The following CDH20 variants were observed in gnomAD, a reference collection of about 807,000 sequenced individuals.
CDH20 encodes the protein cadherin-20.
Under a neutral mutation model 74.2 loss-of-function variants are expected in CDH20, and 29 were observed. The ratio of observed to expected loss-of-function variants is 0.39; its 90% CI spans 0.29 to 0.53. The LOEUF (loss-of-function observed/expected upper bound fraction) is 0.53. Ranked by LOEUF, CDH20 falls within the 20% of genes least tolerant of loss-of-function variation. The pLI is 0.69. For synonymous variants in CDH20, 469 were observed against 405.4 expected (o/e 1.16, Z -1.88); for missense variants, 988 against 1,048.3 (o/e 0.94, Z 0.79).
intron 1 of CDH20, among the ~76,000 whole-genome samples, chr18:61,432,051 C>A (rs1913272724): frequency 6.6e-6 from 1 of 151,884 alleles, no homozygotes; most frequent in South Asian, 2.1e-4. Flanking sequence ...TTGAGACCAG[C>A]CTGGCCAACA....
rs1366550666 is a variant in CDH20 at position 61,555,437 on chromosome 18, C to T, written c.*742C>T. 3.0e-6 allele frequency: 3 copies of T among 985,310 alleles called. No homozygotes were observed. The highest frequency in any genetic ancestry group is 6.1e-5 in the Admixed American group (1 of 16,264). The allele number at this position is 985,310 out of a possible 1,614,324, so 61.0% of individuals were successfully genotyped here. On this transcript the variant is annotated 3_prime_UTR_variant, in exon 12 of 12. Transcript: ENST00000262717. ...TTAACTGTGCCCCTGCAAAATTGTTCAGAATGAAACCAGAAAAATCTGCCT... is the reference window on the plus strand; with the variant it reads ...TTAACTGTGCCCCTGCAAAATTGTTTAGAATGAAACCAGAAAAATCTGCCT...
rs1490413105 is a variant in CDH20 at position 61,528,029 on chromosome 18, A to C, written c.1080A>C (p.Leu360=). ...AGGTGGAGGGAGCCAATCCTCACCT[A>C]GAGATGCGTTTTCTGAACTTGGGCC... is the stretch of plus-strand genomic sequence containing the variant. ...TLKVEGANPH[L]EMRFLNLGPF... is the part of the protein sequence containing the mutation. Residue 360 remains leucine, a synonymous_variant, in exon 7 of 12, where the codon CTA becomes CTC. Transcript: ENST00000262717. 3 of 1,614,086 alleles carry C rather than the reference A, an allele frequency of 1.9e-6. No homozygotes were observed. Among genetic ancestry groups the C allele is most frequent in the Admixed American group, 1.7e-5 (1 of 60,008 alleles).
intron 1 of CDH20, among the ~76,000 whole-genome samples, chr18:61,442,645 G>T (rs939136720): frequency 6.6e-6 from 1 of 152,204 alleles, no homozygotes; most frequent in Admixed American, 6.5e-5. Context: ...ACTATTATGT[G>T]CTTTCACAGA....
chr18:61,388,709 G>A (rs140961045), intron 1 of CDH20, among the ~76,000 whole-genome samples: 112 of 152,244 alleles, frequency 7.4e-4, no homozygotes, highest in African/African-American at 2.4e-3. Context: ...GTGTGGATGC[G>A]AACAGTAATA....
rs577490047 is a variant in CDH20 at position 61,513,013 on chromosome 18, T to C, written c.1017+5453T>C. 2.6e-5 allele frequency among the ~76,000 whole-genome samples: 4 copies of C among 152,208 alleles called. No homozygotes were observed. In the South Asian group the frequency reaches 8.3e-4, roughly 32 times the overall value. On this transcript the variant is annotated intron_variant, in intron 6 of 11. Coordinates refer to ENST00000262717, the MANE Select transcript of CDH20 (RefSeq NM_031891.4). ...GGGTGGAGAGTTCTGTAGATGTCTA[T>C]TAGGTCCGCTTGGTGCAGAGTTGAG...
chr18:61,532,677 A>T (rs190099253), intron 7 of CDH20, among the ~76,000 whole-genome samples: 52 of 152,244 alleles, frequency 3.4e-4, no homozygotes, highest in East Asian at 3.3e-3. Context: ...TGCTAATCAT[A>T]ACCCACCAAA....
At chr18:61,413,520 T>C (rs950307917) in intron 1 of CDH20, among the ~76,000 whole-genome samples, 1 of 152,124 alleles carries the variant, frequency 6.6e-6, no homozygotes, top group African/African-American at 2.4e-5. Context: ...TCCTAAAAAC[T>C]GTGACCATCC....
rs576742191 is a variant in CDH20 at position 61,411,164 on chromosome 18, C to T, written c.-153+77337C>T. On this transcript the variant is annotated intron_variant, in intron 1 of 11. Coordinates refer to ENST00000262717, the MANE Select transcript of CDH20 (RefSeq NM_031891.4). Reference sequence around the variant, plus strand: ...CAGTGAGCCGAGATACGCCACTGCACTCCCGCCTGGGTGACAGAGCAAGAC... The same window carrying T: ...CAGTGAGCCGAGATACGCCACTGCATTCCCGCCTGGGTGACAGAGCAAGAC... 2.6e-3 allele frequency among the ~76,000 whole-genome samples: 384 copies of T among 150,248 alleles called. 3 individuals carry two copies. Among genetic ancestry groups the T allele is most frequent in the Non-Finnish European group, 3.8e-3 (258 of 67,864 alleles).
intron 1 of CDH20, among the ~76,000 whole-genome samples, chr18:61,410,680 A>T (rs779518302): frequency 3.5e-4 from 54 of 152,260 alleles, no homozygotes; most frequent in Non-Finnish European, 7.1e-4. Context: ...TAAATGGTTT[A>T]AAAACAACTA....
intron 6 of CDH20, among the ~76,000 whole-genome samples, chr18:61,516,312 G>C (rs1912002895): frequency 6.6e-6 from 1 of 152,154 alleles, no homozygotes; most frequent in Non-Finnish European, 1.5e-5. Context: ...TGAGTTTCTG[G>C]TTTTGCTAGG....
rs1187030981 is a variant in CDH20, at chr18:61,450,958, G to A, written c.-152-39444G>A. Among the ~76,000 whole-genome samples the A allele has an allele frequency of 5.9e-5, 9 of 151,836 alleles. No homozygotes were observed. The South Asian group carries it at 1.2e-3, about 21-fold the overall frequency. ...GCCTCCTCCTTATACATCTTTATAC[G>A]TTTGTGAAATTAATTCTTAGAACTT... On this transcript the variant is annotated intron_variant, in intron 1 of 11. Coordinates refer to ENST00000262717, the MANE Select transcript of CDH20 (RefSeq NM_031891.4).
At chr18:61,517,175 C>T (rs612338) in intron 6 of CDH20, among the ~76,000 whole-genome samples, 152,043 of 152,352 alleles carry the variant, frequency 1, 75,868 homozygotes, top group Non-Finnish European at 1. Context: ...GGAGAAAATC[C>T]TTGCAATCCT....
chr18:61,340,775 A>C (rs1909922678), intron 1 of CDH20, among the ~76,000 whole-genome samples: 1 of 152,332 alleles, frequency 6.6e-6, no homozygotes, highest in South Asian at 2.1e-4. Flanking sequence ...TGATGAACTT[A>C]ACCATAATTT....
chr18:61,515,473 C>T (rs1051691823), intron 6 of CDH20, among the ~76,000 whole-genome samples: 13 of 152,042 alleles, frequency 8.6e-5, no homozygotes, highest in Middle Eastern at 3.4e-3. Context: ...GCGTTGCTCA[C>T]GCTGGGAGCT....
chr18:61,354,867 T>C (rs1910446197), intron 1 of CDH20, among the ~76,000 whole-genome samples: 1 of 152,252 alleles, frequency 6.6e-6, no homozygotes. Context: ...ACTTCTGACA[T>C]CATATCAGTT....
chr18:61,361,169 G>A (rs1287412271), intron 1 of CDH20, among the ~76,000 whole-genome samples: 1 of 152,148 alleles, frequency 6.6e-6, no homozygotes. Context: ...TTTGCTTTGT[G>A]GGTACCTTCC....
At chr18:61,418,553 C>CA (rs36009749) in intron 1 of CDH20, among the ~76,000 whole-genome samples, 5,961 of 67,958 alleles carry the variant, frequency 0.088, 624 homozygotes, top group African/African-American at 0.24. Context: ...GACTCTGTCT[C>CA]AAAAAAAAAA....
chr18:61,421,821 C>G (rs1445747517), intron 1 of CDH20, among the ~76,000 whole-genome samples: 1 of 151,970 alleles, frequency 6.6e-6, no homozygotes, highest in Non-Finnish European at 1.5e-5. Context: ...TCTTGCTTTT[C>G]CAGAGGGGCA....
At chr18:61,368,972 T>C (rs956789242) in intron 1 of CDH20, among the ~76,000 whole-genome samples, 2 of 151,814 alleles carry the variant, frequency 1.3e-5, no homozygotes, top group African/African-American at 4.8e-5. Context: ...TTTAAAAACC[T>C]AGTTTCTGAT....
Sources: gnomAD v4.1 joint callset for allele counts (sites outside exome capture counted in the v4.1 genomes callset) on GRCh38, gnomAD v4.1.1 for gene constraint, MANE v1.5 for transcripts, NCBI Gene and HGNC (gene_info 2026-07-23, HGNC 2026-07-21) for gene names.